LRRFIP1: variants seen among roughly 807,000 people sequenced by gnomAD.
The protein encoded by LRRFIP1 is leucine-rich repeat flightless-interacting protein 1.
A neutral mutation model predicts 104.4 loss-of-function variants in LRRFIP1; 62 were observed. The ratio of observed to expected loss-of-function variants is 0.59; its 90% CI spans 0.48 to 0.73. The LOEUF is 0.73. Among genes scored for constraint, LRRFIP1 ranks in the 30% least tolerant of loss-of-function variants. LRRFIP1 has a pLI of 0.00. For synonymous variants in LRRFIP1, 300 were observed against 299.0 expected, an observed-to-expected ratio of 1.00 and a Z score of -0.03; for missense variants, 796 against 824.5, an observed-to-expected ratio of 0.97 and a Z score of 0.42.
At chr2:237,705,309 A>G (rs573074334) in intron 1 of LRRFIP1, among the ~76,000 whole-genome samples, 4 of 152,280 alleles carry the variant, frequency 2.6e-5, no homozygotes, top group South Asian at 4.1e-4. Context: ...ATAAATATCC[A>G]CAATTCAGCG....
At chr2:237,713,309 G>A (rs955647052) in intron 2 of LRRFIP1, among the ~76,000 whole-genome samples, 2 of 152,150 alleles carry the variant, frequency 1.3e-5, no homozygotes, top group South Asian at 2.1e-4. Flanking sequence ...CTCTAGCTGC[G>A]TTCCGGGGTC....
intron 8 of LRRFIP1, among the ~76,000 whole-genome samples, chr2:237,731,104 TC>T (rs1195792815): frequency 1.3e-5 from 2 of 152,312 alleles, no homozygotes; most frequent in Admixed American, 6.5e-5. Flanking sequence ...TTGGAGCTGT[TC>T]CGTGAACCTG....
At chr2:237,763,323 C>T in intron 19 of LRRFIP1, 9 of 1,614,074 alleles carry the variant, frequency 5.6e-6, no homozygotes, top group Non-Finnish European at 5.1e-6. Flanking sequence ...GGTCCAAGTA[C>T]AGTAGACACT....
intron 3 of LRRFIP1, among the ~76,000 whole-genome samples, chr2:237,715,412 A>G (rs533126796): frequency 9.5e-4 from 145 of 152,322 alleles, no homozygotes; most frequent in African/African-American, 3.2e-3. Context: ...CTCTCATCCA[A>G]AACCTGGAAG....
At chr2:237,698,569 C>G (rs2093334560) in intron 1 of LRRFIP1, among the ~76,000 whole-genome samples, 1 of 152,178 alleles carries the variant, frequency 6.6e-6, no homozygotes, top group African/African-American at 2.4e-5. Flanking sequence ...CCAGGAGCAG[C>G]CTTGTAAGCT....
intron 1 of LRRFIP1, among the ~76,000 whole-genome samples, chr2:237,695,378 G>A (rs1442895293): frequency 2.6e-5 from 4 of 152,164 alleles, no homozygotes; most frequent in East Asian, 1.9e-4. Context: ...GTGTTTCAGC[G>A]AAGTTGATTG....
At position 237,661,662 on chromosome 2, in the gene LRRFIP1, G is replaced by A. The variant is rs990154897; in HGVS notation, c.96+33922G>A. ...TAACATCTGTCCCAGAGCCATGCAC[G>A]TTCCGAAAGCACATTCCAGGGGGAC... On this transcript the variant is annotated intron_variant, in intron 1 of 23. Transcript: ENST00000308482. This position sits in a 1 kb window ranked among gnomAD's most constrained non-coding sequence, Gnocchi z 4.4. Among the ~76,000 whole-genome samples, 3 of 152,176 alleles carry A rather than the reference G, an allele frequency of 2.0e-5. No individual in the cohort carries two copies. The highest frequency in any genetic ancestry group is 4.4e-5 in the Non-Finnish European group (3 of 68,030).
At chr2:237,757,390 C>A in intron 16 of LRRFIP1, 66 bp from the exon 17 acceptor site, 1 of 1,067,298 alleles carries the variant, frequency 9.4e-7, no homozygotes, top group South Asian at 1.4e-5. Flanking sequence ...CTCAGGTTCT[C>A]TCTCGGGCTG....
intron 1 of LRRFIP1, among the ~76,000 whole-genome samples, chr2:237,707,550 C>T (rs1479614912): frequency 6.6e-6 from 1 of 151,634 alleles, no homozygotes; most frequent in Non-Finnish European, 1.5e-5. Context: ...GGATTACAGA[C>T]GTATTCTCAA....
Position 237,709,138 on chromosome 2 carries a change from A to AG in LRRFIP1, c.183+510dup, listed in dbSNP as rs138462658. On this transcript the variant is annotated intron_variant, in intron 2 of 23. Transcript: ENST00000308482. ...GAATGAACACATGGATGAAACAGCC[A>AG]GGAAGAAATTCCTCCCTGGGAAAAT... 2.8e-3 allele frequency among the ~76,000 whole-genome samples: 429 copies of AG among 152,374 alleles called. 10 individuals are homozygous for AG. In the East Asian group the frequency reaches 0.046, roughly 16 times the overall value.
At chr2:237,681,397 C>G (rs943228428) in intron 1 of LRRFIP1, among the ~76,000 whole-genome samples, 28 of 152,130 alleles carry the variant, frequency 1.8e-4, no homozygotes, top group African/African-American at 6.7e-4. Flanking sequence ...GATGGAGTCT[C>G]GTTCTGTGAC....
chr2:237,771,551 TCCCCC>T (rs772060776), intron 20 of LRRFIP1, among the ~76,000 whole-genome samples: 3 of 50,024 alleles, frequency 6.0e-5, no homozygotes, highest in Non-Finnish European at 6.9e-5. Flanking sequence ...CTGGAACCAA[TCCCCC>T]CCCCCCCCCG....
In LRRFIP1 at chr2:237,686,006, T is replaced by C. The variant is rs1409087784; in HGVS notation, c.97-22538T>C. Among the ~76,000 whole-genome samples, 4 of 152,334 alleles carry C rather than the reference T, an allele frequency of 2.6e-5. No homozygotes were observed. The East Asian group carries it at 7.7e-4, about 29-fold the overall frequency. On this transcript the variant is annotated intron_variant, in intron 1 of 23. Coordinates refer to ENST00000308482, the MANE Select transcript of LRRFIP1 (RefSeq NM_001137550.2). ...TTCACTCTGTGGCTTCCAGGAGATG[T>C]CTCTATTTTCTGACTCTCTAACTAC...
chr2:237,711,540 G>A lies in LRRFIP1; in HGVS notation c.184-2719G>A, dbSNP rs978631118. On this transcript the variant is annotated intron_variant, in intron 2 of 23. Transcript: ENST00000308482. This position sits in a 1 kb window ranked among gnomAD's most constrained non-coding sequence, Gnocchi z 4.4. ...CGGTCCTCTGTGGATCTGCAGTCTC[G>A]GCTTCCTCATCACCGATGCCTGCAC... 5.3e-5 allele frequency among the ~76,000 whole-genome samples: 8 copies of A among 152,212 alleles called. No homozygotes were observed. The highest frequency in any genetic ancestry group is 6.5e-5 in the Admixed American group (1 of 15,286).
Position 237,668,856 on chromosome 2 carries a change from C to A in LRRFIP1, c.97-39688C>A, listed in dbSNP as rs1020554352. On this transcript the variant is annotated intron_variant, in intron 1 of 23. Coordinates refer to ENST00000308482, the MANE Select transcript of LRRFIP1 (RefSeq NM_001137550.2). Reference sequence around the variant, plus strand: ...AGAAAAATAATAAGGAAAATTCAGGCAATAGTAGAAAATAAAAATTATGCC... The same window carrying A: ...AGAAAAATAATAAGGAAAATTCAGGAAATAGTAGAAAATAAAAATTATGCC... 2.6e-5 allele frequency among the ~76,000 whole-genome samples: 4 copies of A among 152,092 alleles called. No homozygotes were observed. The South Asian group carries it at 8.3e-4, about 31-fold the overall frequency.
At chr2:237,776,330 T>G (rs985747789) in intron 23 of LRRFIP1, among the ~76,000 whole-genome samples, 5 of 152,230 alleles carry the variant, frequency 3.3e-5, no homozygotes, top group Admixed American at 2.6e-4. Flanking sequence ...TCTTTGAAAT[T>G]TGTCAATACT....
At chr2:237,739,172 C>T (rs1438453621) in intron 10 of LRRFIP1, 60 bp from the exon 11 acceptor site, 1 of 1,466,810 alleles carries the variant, frequency 6.8e-7, no homozygotes, top group Non-Finnish European at 9.3e-7. Flanking sequence ...CTCCTTGCTC[C>T]TTTGCTGACC....
Position 237,735,880 on chromosome 2 carries a change from A to C in LRRFIP1, c.555+547A>C, listed in dbSNP as rs56141914. 0.015 allele frequency among the ~76,000 whole-genome samples: 2,350 copies of C among 152,286 alleles called. 29 individuals carry two copies. The highest frequency in any genetic ancestry group is 0.026 in the Non-Finnish European group (1,760 of 68,026). On this transcript the variant is annotated intron_variant, in intron 10 of 23. Transcript: ENST00000308482. This position sits in a 1 kb window ranked among gnomAD's most constrained non-coding sequence, Gnocchi z 4.6. ...AAAAGCAACAAGGTAGAAAAATGAG[A>C]TGGAACCCGTGGAAGTGGGGAGACG... is the stretch of plus-strand genomic sequence containing the variant.
rs73102909 is a variant in LRRFIP1 at position 237,733,352 on chromosome 2, C to T, written c.445-422C>T. ...CCCTGGCATAGAAATAAAGACTCTT[C>T]CTGCTCCTGTCTTCATGTGTGGACA... On this transcript the variant is annotated intron_variant, in intron 8 of 23. Coordinates refer to ENST00000308482, the MANE Select transcript of LRRFIP1 (RefSeq NM_001137550.2). Among the ~76,000 whole-genome samples the T allele has an allele frequency of 3.0e-3, 453 of 152,304 alleles. 2 individuals are homozygous for T. The highest frequency in any genetic ancestry group is 0.011 in the African/African-American group (437 of 41,572).
Sources: gnomAD v4.1 joint callset for allele counts (sites outside exome capture counted in the v4.1 genomes callset) on GRCh38, gnomAD v4.1.1 for gene constraint, Gnocchi (gnomAD v3.1) non-coding constraint, MANE v1.5 for transcripts, NCBI Gene and HGNC (gene_info 2026-07-23, HGNC 2026-07-21) for gene names.